SNX27: variants seen among roughly 807,000 people sequenced by gnomAD.
SNX27 encodes the protein sorting nexin 27.
SNX27 carries 22 observed loss-of-function variants against 71.6 expected under a neutral mutation model. The ratio of observed to expected loss-of-function variants is 0.31; its 90% confidence interval spans 0.22 to 0.44. The LOEUF (loss-of-function observed/expected upper bound fraction) is 0.44, where lower values mean the gene tolerates loss of function less well. SNX27 is among the 20% of genes least tolerant of loss of function. The pLI, the probability that SNX27 is intolerant of heterozygous loss-of-function variation, is 1.00. For synonymous variants in SNX27, 269 were observed against 277.2 expected (o/e 0.97, Z 0.29); for missense variants, 531 against 698.6 (o/e 0.76, Z 2.70).
At chr1:151,647,132 C>CTTT (rs56999871) in intron 2 of SNX27, among the ~76,000 whole-genome samples, 3 of 130,312 alleles carry the variant, frequency 2.3e-5, no homozygotes, top group South Asian at 2.4e-4. Context: ...ATCTCTATTA[C>CTTT]TTTTTTTTTT....
At chr1:151,640,142 A>G (rs893774012) in intron 2 of SNX27, among the ~76,000 whole-genome samples, 1 of 152,218 alleles carries the variant, frequency 6.6e-6, no homozygotes, top group East Asian at 1.9e-4. Context: ...AGATAATGGC[A>G]TATAGGTTTT....
chr1:151,650,854 C>T (rs1351436393), intron 2 of SNX27, among the ~76,000 whole-genome samples: 1 of 151,888 alleles, frequency 6.6e-6, no homozygotes, highest in Non-Finnish European at 1.5e-5. Context: ...ACATCTTGCA[C>T]CGCCCTTAAT....
chr1:151,693,868 A>G (rs1671579522), intron 11 of SNX27: 2 of 1,409,562 alleles, frequency 1.4e-6, no homozygotes, highest in Admixed American at 5.9e-5. Context: ...CAGTCTTTCT[A>G]GGCGAACCAA....
At chr1:151,679,183 A>ATT (rs1670830792) in intron 7 of SNX27, 1 of 152,214 alleles carries the variant, frequency 6.6e-6, no homozygotes, top group Non-Finnish European at 1.5e-5. Flanking sequence ...AAATGTTATC[A>ATT]ATTATAAGAT....
At chr1:151,650,286 C>T (rs1161184061) in intron 2 of SNX27, among the ~76,000 whole-genome samples, 6 of 152,176 alleles carry the variant, frequency 3.9e-5, no homozygotes, top group Admixed American at 3.9e-4. Flanking sequence ...CTCAGACTCC[C>T]AAAGCACTGA....
intron 6 of SNX27, 200 bp downstream of exon 6, chr1:151,666,211 G>C: frequency 2.6e-6 from 1 of 386,592 alleles, no homozygotes; most frequent in Non-Finnish European, 4.6e-6. Flanking sequence ...TGTAAGTATA[G>C]GTTATAACTA....
Position 151,692,432 on chromosome 1 carries a change from T to TTTATTAAA in SNX27, c.1240-3_1240-2insTTATTAAA. On this transcript the variant is annotated splice_polypyrimidine_tract_variant and splice_region_variant and intron_variant, in intron 8 of 11. Transcript: ENST00000458013. ...TTTTTTTTTTTTTTTTTTTTTTTTT[T>TTTATTAAA]AGTACCTCAACATGCTAAGGACTTG... The TTTATTAAA allele has an allele frequency of 1.4e-6, 2 of 1,452,070 alleles. No homozygotes were observed. The highest frequency in any genetic ancestry group is 1.8e-6 in the Non-Finnish European group (2 of 1,101,930). 89.9% of individuals were successfully genotyped at this position (1,452,070 alleles called of 1,614,324 possible).
chr1:151,635,954 C>T (rs183388505), intron 1 of SNX27, among the ~76,000 whole-genome samples: 4 of 152,134 alleles, frequency 2.6e-5, no homozygotes, highest in East Asian at 3.9e-4. Context: ...ACCCAAGGAA[C>T]GGTGTATTTT....
rs1671710759 is a variant in SNX27, at chr1:151,696,460, T to TC, written c.*2043_*2044insC. The TC allele has an allele frequency of 2.3e-5, 3 of 133,034 alleles. No homozygotes were observed. Among genetic ancestry groups the TC allele is most frequent in the Admixed American group, 7.7e-5 (1 of 13,018 alleles). The allele number at this position is 133,034 out of a possible 1,614,324, so 8.2% of individuals were successfully genotyped here. ...TTTTTGCAAATCATTGTGAGGCCAC[T>TC]TTTTCTTTCTTTCTTTCTTTCTTTC... On this transcript the variant is annotated 3_prime_UTR_variant, in exon 12 of 12. Transcript: ENST00000458013.
At chr1:151,653,149 ACTC>A (rs1381200472) in intron 2 of SNX27, among the ~76,000 whole-genome samples, 2 of 149,812 alleles carry the variant, frequency 1.3e-5, no homozygotes, top group African/African-American at 4.9e-5. Context: ...CTGGTCTTGA[ACTC>A]CTGATCTCAG....
intron 1 of SNX27, 27 bp from the exon 2 acceptor site, chr1:151,638,861 A>C: frequency 6.2e-7 from 1 of 1,610,546 alleles, no homozygotes; most frequent in Non-Finnish European, 8.5e-7. Context: ...GGTTTATGGG[A>C]TTGTCTTTTT....
intron 1 of SNX27, among the ~76,000 whole-genome samples, chr1:151,633,801 T>C (rs1668352394): frequency 1.3e-5 from 2 of 152,226 alleles, no homozygotes; most frequent in Admixed American, 6.5e-5. Context: ...TAGTTTTTCC[T>C]TTTTATTCCT....
intron 2 of SNX27, among the ~76,000 whole-genome samples, chr1:151,651,873 C>G (rs1048108854): frequency 6.6e-6 from 1 of 151,884 alleles, no homozygotes; most frequent in South Asian, 2.1e-4. Flanking sequence ...GAGGTTGTAG[C>G]GAGCCGAGAT....
chr1:151,655,387 TC>T (rs373275443), intron 2 of SNX27, among the ~76,000 whole-genome samples: 11 of 152,330 alleles, frequency 7.2e-5, no homozygotes, highest in Admixed American at 2.0e-4. Context: ...AATAGTTCTT[TC>T]CTTAGATCGT....
At chr1:151,677,833 A>G (rs1670764839) in intron 7 of SNX27, 1 of 152,240 alleles carries the variant, frequency 6.6e-6, no homozygotes, top group Admixed American at 6.5e-5. Flanking sequence ...GCAGTATCTT[A>G]TATCCAGCAA....
At chr1:151,672,146 T>C (rs1558066529) in intron 7 of SNX27, among the ~76,000 whole-genome samples, 2 of 152,224 alleles carry the variant, frequency 1.3e-5, no homozygotes, top group South Asian at 2.1e-4. Flanking sequence ...CTGTCATATA[T>C]AGCTTTTATT....
chr1:151,623,822 T>C (rs906299196), intron 1 of SNX27, among the ~76,000 whole-genome samples: 1 of 151,348 alleles, frequency 6.6e-6, no homozygotes, highest in African/African-American at 2.4e-5. Context: ...AAGATAAAAA[T>C]GAAAAAAAAA....
chr1:151,692,406 CTTTTTTTTTTTTTTTT>C lies in SNX27; in HGVS notation c.1240-18_1240-3del, dbSNP rs61159507. 2.8e-5 allele frequency: 24 copies of C among 854,608 alleles called. No individual in the cohort carries two copies. Among genetic ancestry groups the C allele is most frequent in the Non-Finnish European group, 3.5e-5 (23 of 653,324 alleles). The allele number at this position is 854,608 out of a possible 1,614,324, so 52.9% of individuals were successfully genotyped here. On this transcript the variant is annotated splice_polypyrimidine_tract_variant and intron_variant, in intron 8 of 11. Transcript: ENST00000458013. ...TAACCCTGTTTCCTGTTTCTCCTTC[CTTTTTTTTTTTTTTTT>C]TTTTTTTTTTAGTACCTCAACATGC...
intron 1 of SNX27, chr1:151,629,461 G>A (rs10640489): frequency 3.3e-5 from 2 of 60,292 alleles, no homozygotes; most frequent in Non-Finnish European, 7.5e-5. Context: ...GTATATATAC[G>A]TATATATACA....
Sources: allele counts gnomAD v4.1 joint callset (sites outside exome capture counted in the v4.1 genomes callset), GRCh38; gene constraint gnomAD v4.1.1; transcripts MANE v1.5; gene names NCBI Gene and HGNC (gene_info 2026-07-23, HGNC 2026-07-21).